TMEM71: variants seen among roughly 807,000 people sequenced by gnomAD.
TMEM71 encodes the protein transmembrane protein 71.
In TMEM71, 44 loss-of-function variants were observed where a neutral mutation model predicts 38.0. The observed-to-expected ratio is 1.16, with a 90% CI of 0.91 to 1.49. TMEM71 has a LOEUF of 1.49. Ranked by LOEUF, TMEM71 falls within the 40% of genes most tolerant of loss-of-function variation. The probability of loss-of-function intolerance (pLI) is 0.00; values close to 1 mark genes in which losing one functional copy is unlikely to be tolerated. For missense variants in TMEM71, 367 were observed against 348.6 expected (o/e 1.05, Z -0.42); for synonymous variants, 133 against 122.5 (o/e 1.09, Z -0.56).
chr8:132,750,022 A>AAAAAG (rs770926014), intron 4 of TMEM71, among the ~76,000 whole-genome samples: 1 of 151,080 alleles, frequency 6.6e-6, no homozygotes, highest in East Asian at 1.9e-4. Context: ...CAAAAAAAAA[A>AAAAAG]AAAGAAAGAA....
At chr8:132,758,099 G>A (rs1174986298) in intron 2 of TMEM71, 1 of 152,100 alleles carries the variant, frequency 6.6e-6, no homozygotes, top group African/African-American at 2.4e-5. Flanking sequence ...ATAAAGTTTT[G>A]TTTTGTTTTA....
Position 132,721,907 on chromosome 8 carries a change from G to GGACA in TMEM71, c.752+129_752+132dup. 3 of 788,062 alleles carry GGACA rather than the reference G, an allele frequency of 3.8e-6. No homozygotes were observed. In the South Asian group the frequency reaches 4.2e-5, roughly 11 times the overall value. 48.8% of individuals were successfully genotyped at this position (788,062 alleles called of 1,614,324 possible). On this transcript the variant is annotated intron_variant, in intron 7 of 9. Transcript: ENST00000677595. ...TGAGAGATAAAGGGAAACTTATCAT[G>GGACA]GACAGACACATGAACGAATCTCAAC...
At chr8:132,746,561 C>A in intron 5 of TMEM71, among the ~76,000 whole-genome samples, 1 of 149,770 alleles carries the variant, frequency 6.7e-6, no homozygotes, top group African/African-American at 2.5e-5. Flanking sequence ...TAAGTACTAT[C>A]CAAGTGTACT....
chr8:132,714,287 T>C (rs1428329903), intron 7 of TMEM71, 72 bp from the exon 8 acceptor site: 6 of 1,123,716 alleles, frequency 5.3e-6, no homozygotes, highest in Non-Finnish European at 8.1e-6. Flanking sequence ...TTTTTAGACT[T>C]ACTATAGAAT....
At chr8:132,769,986 G>C in the TMEM71 span, among the ~76,000 whole-genome samples, 2 of 152,220 alleles carry the variant, frequency 1.3e-5, no homozygotes, top group African/African-American at 4.8e-5. Flanking sequence ...ATCACTAAGA[G>C]AGTAAAAGTA....
At chr8:132,765,867 C>T in the TMEM71 span, among the ~76,000 whole-genome samples, 160 of 152,188 alleles carry the variant, frequency 1.1e-3, no homozygotes, top group Non-Finnish European at 1.9e-3. Flanking sequence ...CGGCTCACTA[C>T]AGCCTTTGCC....
intron 6 of TMEM71, among the ~76,000 whole-genome samples, chr8:132,725,635 T>C (rs985682096): frequency 6.6e-5 from 10 of 152,192 alleles, no homozygotes; most frequent in African/African-American, 2.4e-4. Context: ...TGTGAAGGGC[T>C]TAATGGAAGA....
intron 4 of TMEM71, among the ~76,000 whole-genome samples, chr8:132,750,272 A>G (rs1029437107): frequency 1.3e-5 from 2 of 152,160 alleles, no homozygotes; most frequent in Admixed American, 6.5e-5. Context: ...TTTTGGACAT[A>G]CTGGGTTTGA....
chr8:132,759,657 T>C (rs1254021182), intron 1 of TMEM71, among the ~76,000 whole-genome samples: 1 of 152,248 alleles, frequency 6.6e-6, no homozygotes, highest in Non-Finnish European at 1.5e-5. Flanking sequence ...ATCACTATCC[T>C]AATCGCTTTA....
intron 5 of TMEM71, among the ~76,000 whole-genome samples, chr8:132,738,469 C>T (rs1029098325): frequency 3.3e-5 from 5 of 152,180 alleles, no homozygotes; most frequent in Non-Finnish European, 5.9e-5. Context: ...CTCCCTATTT[C>T]CTGCCACTTC....
chr8:132,770,052 C>T, the TMEM71 span, among the ~76,000 whole-genome samples: 1 of 152,190 alleles, frequency 6.6e-6, no homozygotes, highest in African/African-American at 2.4e-5. Context: ...TGCTCACCCT[C>T]TCCTGCTGCA....
chr8:132,711,068 G>C, intron 9 of TMEM71, 86 bp from the exon 10 acceptor site: 1 of 1,251,286 alleles, frequency 8.0e-7, no homozygotes, highest in Non-Finnish European at 1.1e-6. Flanking sequence ...ACCCATTTGC[G>C]CATATATAAG....
At chr8:132,765,290 C>T (rs139932303), upstream of TMEM71, among the ~76,000 whole-genome samples, 1 of 152,328 alleles carries the variant, frequency 6.6e-6, no homozygotes, top group African/African-American at 2.4e-5. Context: ...GAAAGTTAGA[C>T]TTTGCGGCAA....
chr8:132,726,773 C>T (rs964147293), intron 6 of TMEM71, among the ~76,000 whole-genome samples: 8 of 152,048 alleles, frequency 5.3e-5, no homozygotes, highest in African/African-American at 1.7e-4. Flanking sequence ...AATACCAATG[C>T]CTTTATTATC....
intron 3 of TMEM71, among the ~76,000 whole-genome samples, chr8:132,756,421 A>T (rs2433056): frequency 7.0e-6 from 1 of 142,102 alleles, no homozygotes; most frequent in East Asian, 2.0e-4. Context: ...TTATATATAT[A>T]TATATATATA....
At chr8:132,716,603 C>T (rs886574686) in intron 7 of TMEM71, among the ~76,000 whole-genome samples, 4 of 152,050 alleles carry the variant, frequency 2.6e-5, no homozygotes, top group African/African-American at 9.7e-5. Flanking sequence ...GATATACATA[C>T]GGTATATGCA....
At chr8:132,743,566 T>C (rs1828168701) in intron 5 of TMEM71, among the ~76,000 whole-genome samples, 1 of 152,218 alleles carries the variant, frequency 6.6e-6, no homozygotes, top group South Asian at 2.1e-4. Context: ...TCCTGTCCTA[T>C]TCACTTATTC....
chr8:132,759,417 A>T (rs59488742), intron 1 of TMEM71: 140,581 of 152,322 alleles, frequency 0.92, 65,042 homozygotes, highest in East Asian at 1. Flanking sequence ...ACAGAGAGTG[A>T]TTTTAATAGT....
chr8:132,767,567 C>T, the TMEM71 span, among the ~76,000 whole-genome samples: 2 of 151,790 alleles, frequency 1.3e-5, no homozygotes, highest in African/African-American at 4.8e-5. Context: ...CTCTGCTTCC[C>T]GGGCTCAAGC....
Sources: gnomAD v4.1 joint callset for allele counts (sites outside exome capture counted in the v4.1 genomes callset) on GRCh38, gnomAD v4.1.1 for gene constraint, MANE v1.5 for transcripts, NCBI Gene and HGNC (gene_info 2026-07-23, HGNC 2026-07-21) for gene names.